Variants in RHOA observed in about 807,000 individuals in gnomAD.
The protein encoded by RHOA is ras homolog family member A.
Under a neutral mutation model 17.5 loss-of-function variants are expected in RHOA, and 3 were observed. That is an observed-to-expected ratio of 0.17 (90% CI 0.08 to 0.44). The LOEUF is 0.44. Ranked by LOEUF, RHOA falls within the 20% of genes least tolerant of loss-of-function variation. The pLI is 0.99. For missense variants in RHOA, 56 were observed against 242.3 expected (o/e 0.23, Z 5.10); for synonymous variants, 98 against 88.4 (o/e 1.11, Z -0.61).
In RHOA at chr3:49,369,503, C is replaced by G. The variant is rs377577997; in HGVS notation, c.157-955G>C. On this transcript the variant is annotated intron_variant, in intron 2 of 4. Coordinates refer to ENST00000418115, the MANE Select transcript of RHOA (RefSeq NM_001664.4). ...ATCCTAGCACTTTGGGAGGCTGAGG[C>G]GGGCTGACTGCCTGAGCTCAGGAGT... Among the ~76,000 whole-genome samples, 18 of 151,320 alleles carry G rather than the reference C, an allele frequency of 1.2e-4. No individual in the cohort carries two copies. In the East Asian group the frequency reaches 2.6e-3, roughly 22 times the overall value.
rs1190357363 is a variant in RHOA, at chr3:49,396,317, T to TAATC, written c.-3+15499_-3+15502dup. 5.3e-5 allele frequency among the ~76,000 whole-genome samples: 8 copies of TAATC among 152,130 alleles called. No individual in the cohort carries two copies. In the East Asian group the frequency reaches 1.3e-3, roughly 26 times the overall value. On this transcript the variant is annotated intron_variant, in intron 1 of 4. Coordinates refer to ENST00000418115, the MANE Select transcript of RHOA (RefSeq NM_001664.4). ...GGCCAGGCCTGGTGGCTCACGCCTG[T>TAATC]AATCCCAGCACTTTGGGAGGCTGAG...
chr3:49,381,570 G>A (rs2048317755), intron 1 of RHOA, among the ~76,000 whole-genome samples: 2 of 147,200 alleles, frequency 1.4e-5, no homozygotes, highest in Non-Finnish European at 3.0e-5. Context: ...GTGAGACTCT[G>A]TCAAAAAAAA....
chr3:49,385,377 G>A (rs2048380394), intron 1 of RHOA, among the ~76,000 whole-genome samples: 1 of 151,646 alleles, frequency 6.6e-6, no homozygotes, highest in South Asian at 2.1e-4. Flanking sequence ...CACCACGCCT[G>A]GCTAATTTTT....
intron 4 of RHOA, chr3:49,360,925 C>A (rs2047956590): frequency 5.4e-6 from 2 of 369,142 alleles, no homozygotes; most frequent in Admixed American, 3.3e-5. Flanking sequence ...TACAAAAAAT[C>A]ACCTGGGTGT....
intron 1 of RHOA, among the ~76,000 whole-genome samples, chr3:49,395,930 G>A (rs1438815654): frequency 6.6e-6 from 1 of 152,088 alleles, no homozygotes; most frequent in Non-Finnish European, 1.5e-5. Context: ...TCAGTGCCCA[G>A]GTAAGCTGTT....
chr3:49,393,112 GC>G (rs1267133515), intron 1 of RHOA, among the ~76,000 whole-genome samples: 1 of 152,054 alleles, frequency 6.6e-6, no homozygotes, highest in Admixed American at 6.6e-5. Flanking sequence ...GGAGGCGGAG[GC>G]TGCAGTGAGC....
At chr3:49,398,114 A>G (rs1265502965) in intron 1 of RHOA, among the ~76,000 whole-genome samples, 3 of 152,112 alleles carry the variant, frequency 2.0e-5, no homozygotes, top group African/African-American at 7.2e-5. Context: ...TAGTCCCAGC[A>G]CTTTGGGAGG....
intron 1 of RHOA, among the ~76,000 whole-genome samples, chr3:49,388,793 T>C (rs923009354): frequency 3.9e-5 from 6 of 152,180 alleles, no homozygotes; most frequent in Non-Finnish European, 8.8e-5. Context: ...TATCTCACAC[T>C]TTGAAATCTT....
chr3:49,380,565 C>T (rs998738845), intron 1 of RHOA, among the ~76,000 whole-genome samples: 2 of 151,460 alleles, frequency 1.3e-5, no homozygotes, highest in Non-Finnish European at 2.9e-5. Flanking sequence ...ATTACCCAGG[C>T]GTGGTGGGGT....
At chr3:49,386,425 T>C (rs981703577) in intron 1 of RHOA, among the ~76,000 whole-genome samples, 1 of 152,196 alleles carries the variant, frequency 6.6e-6, no homozygotes, top group Non-Finnish European at 1.5e-5. Flanking sequence ...ACAGTCCTCC[T>C]GTAAGTTCTA....
chr3:49,370,407 A>G (rs565307039), intron 2 of RHOA, among the ~76,000 whole-genome samples: 1 of 152,336 alleles, frequency 6.6e-6, no homozygotes, highest in East Asian at 1.9e-4. Flanking sequence ...CAAATTTTAA[A>G]TAACATCCTA....
At chr3:49,374,011 C>A (rs550893271) in intron 2 of RHOA, among the ~76,000 whole-genome samples, 1 of 152,026 alleles carries the variant, frequency 6.6e-6, no homozygotes, top group South Asian at 2.1e-4. Context: ...CCATCAATGA[C>A]AATAAAATAA....
intron 1 of RHOA, among the ~76,000 whole-genome samples, chr3:49,396,583 T>C (rs1393740228): frequency 1.3e-5 from 2 of 152,118 alleles, no homozygotes; most frequent in African/African-American, 2.4e-5. Context: ...GGCACACGTC[T>C]GTAATCCCAG....
chr3:49,399,632 C>G (rs922139036), intron 1 of RHOA, among the ~76,000 whole-genome samples: 3 of 149,816 alleles, frequency 2.0e-5, no homozygotes, highest in African/African-American at 7.4e-5. Flanking sequence ...GGCTGCAGTG[C>G]TGGAGTGCAG....
chr3:49,388,537 T>C (rs1216894811), intron 1 of RHOA, among the ~76,000 whole-genome samples: 1 of 152,200 alleles, frequency 6.6e-6, no homozygotes, highest in Non-Finnish European at 1.5e-5. Context: ...GATGCTACAG[T>C]GGCTACTGAC....
At chr3:49,378,582 CCTAT>C (rs1355587211) in intron 1 of RHOA, among the ~76,000 whole-genome samples, 1 of 151,794 alleles carries the variant, frequency 6.6e-6, no homozygotes, top group Non-Finnish European at 1.5e-5. Context: ...ACCTATCTAA[CCTAT>C]CTATGTGTTT....
At chr3:49,405,866 G>C (rs1267243372) in intron 1 of RHOA, among the ~76,000 whole-genome samples, 1 of 152,154 alleles carries the variant, frequency 6.6e-6, no homozygotes, top group African/African-American at 2.4e-5. Context: ...TGTATTTTTA[G>C]TAGAGATGGG....
intron 2 of RHOA, among the ~76,000 whole-genome samples, chr3:49,371,754 G>A (rs185847862): frequency 2.6e-5 from 4 of 152,300 alleles, no homozygotes; most frequent in Non-Finnish European, 2.9e-5. Flanking sequence ...GCGAGGGTCA[G>A]TGATGTCCAA....
chr3:49,386,677 C>T (rs1035858570), intron 1 of RHOA, among the ~76,000 whole-genome samples: 2 of 152,174 alleles, frequency 1.3e-5, no homozygotes, highest in African/African-American at 4.8e-5. Context: ...CTTGGTGACA[C>T]TGAAAGACTC....
Sources: allele counts gnomAD v4.1 joint callset (sites outside exome capture counted in the v4.1 genomes callset), GRCh38; gene constraint gnomAD v4.1.1; transcripts MANE v1.5; gene names NCBI Gene and HGNC (gene_info 2026-07-23, HGNC 2026-07-21).